PSMD4: variants seen among roughly 807,000 people sequenced by gnomAD.
PSMD4 encodes proteasome 26S subunit ubiquitin receptor, non-ATPase 4, also known as 26S proteasome non-ATPase regulatory subunit 4.
PSMD4 carries 5 observed loss-of-function variants against 39.7 expected under a neutral mutation model. That is an observed-to-expected ratio of 0.13 (90% confidence interval 0.07 to 0.26). The LOEUF (loss-of-function observed/expected upper bound fraction) is 0.26. PSMD4 is among the 10% of genes least tolerant of loss of function. The pLI is 1.00. For missense variants in PSMD4, 272 were observed against 486.1 expected (o/e 0.56, Z 4.14); for synonymous variants, 143 against 174.6 (o/e 0.82, Z 1.43).
chr1:151,266,100 A>G lies in PSMD4; in HGVS notation c.751A>G (p.Thr251Ala). Residue 251 changes from threonine to alanine, a missense_variant, in exon 7 of 10, where the codon ACT becomes GCT. Physicochemically the swap from Thr to Ala is moderately conservative, Grantham distance 58 (BLOSUM62 0). Around this residue, in one of 3 missense-constraint regions of PSMD4, gnomAD observed 113 missense variants for 184.6 expected, o/e 0.61. Transcript: ENST00000368884. ...TGCTGCTGAGGCCGGGATTGCTACGACTGGGACTGAAGGTGAAAGAGGTGG... is the reference window on the plus strand; with the variant it reads ...TGCTGCTGAGGCCGGGATTGCTACGGCTGGGACTGAAGGTGAAAGAGGTGG... ...ASAAEAGIATTGTEDSDDALL... is the reference protein window; with the variant it reads ...ASAAEAGIATAGTEDSDDALL... 6.2e-7 allele frequency: 1 copy of G among 1,605,346 alleles called. No individual in the cohort carries two copies. Among genetic ancestry groups the G allele is most frequent in the Non-Finnish European group, 8.5e-7 (1 of 1,176,280 alleles).
intron 2 of PSMD4, among the ~76,000 whole-genome samples, chr1:151,263,395 C>T (rs1006158038): frequency 2.6e-5 from 4 of 151,974 alleles, no homozygotes; most frequent in African/African-American, 4.8e-5. Context: ...ACCCGGGAGG[C>T]GGAGGTTGCA....
chr1:151,264,325 G>A (rs1286662109), intron 3 of PSMD4, among the ~76,000 whole-genome samples: 1 of 137,146 alleles, frequency 7.3e-6, no homozygotes, highest in Admixed American at 7.8e-5. Flanking sequence ...GGCACATAGG[G>A]AGACCCTGTT....
At chr1:151,259,949 A>G (rs915217795) in intron 1 of PSMD4, among the ~76,000 whole-genome samples, 8 of 152,108 alleles carry the variant, frequency 5.3e-5, no homozygotes, top group African/African-American at 1.9e-4. Flanking sequence ...CTGTAATCCC[A>G]GCACTTTGGT....
At chr1:151,262,543 AG>A in intron 2 of PSMD4, 1 of 498,890 alleles carries the variant, frequency 2.0e-6, no homozygotes, top group Non-Finnish European at 3.6e-6. Context: ...GGGCTAGGGT[AG>A]GGGGTGAAAT....
chr1:151,262,365 A>G, intron 2 of PSMD4, 64 bp downstream of exon 2: 1 of 1,594,554 alleles, frequency 6.3e-7, no homozygotes, highest in South Asian at 1.1e-5. Flanking sequence ...ACTCTTCTTT[A>G]GATTCCATGA....
intron 2 of PSMD4, chr1:151,262,995 G>A (rs1332539549): frequency 6.6e-6 from 1 of 152,242 alleles, no homozygotes; most frequent in South Asian, 2.1e-4. Context: ...GTCTGGAGGT[G>A]GAGAGGACAG....
At chr1:151,263,862 A>C in intron 2 of PSMD4, 52 bp from the exon 3 acceptor site, 1 of 1,225,232 alleles carries the variant, frequency 8.2e-7, no homozygotes. Context: ...GACACAGTTT[A>C]GAGGTACTTG....
At chr1:151,261,471 A>C (rs1287106506) in intron 1 of PSMD4, among the ~76,000 whole-genome samples, 1 of 151,984 alleles carries the variant, frequency 6.6e-6, no homozygotes, top group Non-Finnish European at 1.5e-5. Flanking sequence ...CACCGCGCCC[A>C]GCTATAGATA....
rs1423458947 is a variant in PSMD4 at position 151,267,394 on chromosome 1, A to G, written c.*51A>G. ...CTGCTTAGGGGACTGCATGGGAAGCACGGAATATAGGGTTAGATGTGTGTT... is the reference window on the plus strand; with the variant it reads ...CTGCTTAGGGGACTGCATGGGAAGCGCGGAATATAGGGTTAGATGTGTGTT... On this transcript the variant is annotated 3_prime_UTR_variant, in exon 10 of 10. Coordinates refer to ENST00000368884, the MANE Select transcript of PSMD4 (RefSeq NM_002810.4). The G allele has an allele frequency of 2.5e-6, 4 of 1,584,086 alleles. No homozygotes were observed. Among genetic ancestry groups the G allele is most frequent in the Admixed American group, 1.7e-5 (1 of 58,940 alleles).
intron 2 of PSMD4, 21 bp from the exon 3 acceptor site, chr1:151,263,893 A>G (rs780515493): frequency 1.5e-5 from 22 of 1,502,682 alleles, no homozygotes; most frequent in South Asian, 7.2e-5. Flanking sequence ...AATTCACTGA[A>G]ATGCTTTTCC....
At chr1:151,258,790 C>T (rs1401762363) in intron 1 of PSMD4, among the ~76,000 whole-genome samples, 1 of 151,852 alleles carries the variant, frequency 6.6e-6, no homozygotes, top group Admixed American at 6.6e-5. Context: ...AAGGTTTTGG[C>T]GGTAATCCCA....
At chr1:151,256,495 G>A (rs1343449782) in intron 1 of PSMD4, among the ~76,000 whole-genome samples, 1 of 142,254 alleles carries the variant, frequency 7.0e-6, no homozygotes, top group East Asian at 2.1e-4. Flanking sequence ...TTGGAGTACA[G>A]TGGCGCCATC....
chr1:151,263,901 T>C lies in PSMD4; in HGVS notation c.168-13T>C. On this transcript the variant is annotated splice_polypyrimidine_tract_variant and intron_variant, in intron 2 of 9. Transcript: ENST00000368884. ...TGACCTGAATTCACTGAAATGCTTTTCCTACATCCCAGTGACTGTGAAGTG... is the reference window on the plus strand; with the variant it reads ...TGACCTGAATTCACTGAAATGCTTTCCCTACATCCCAGTGACTGTGAAGTG... 1 of 1,536,696 alleles carries C rather than the reference T, an allele frequency of 6.5e-7. No homozygotes were observed.
At chr1:151,259,476 A>G (rs587762956) in intron 1 of PSMD4, among the ~76,000 whole-genome samples, 1 of 152,260 alleles carries the variant, frequency 6.6e-6, no homozygotes, top group African/African-American at 2.4e-5. Context: ...TTTTCTGTTA[A>G]TACTTGTTTT....
rs908948897 is a variant in PSMD4, at chr1:151,255,179, T to G, written c.26+371T>G. ...AATAACGTCTATTAGGAAAATAGAT[T>G]ATTAATCCCTTCCTCTCCCCATTCC... On this transcript the variant is annotated intron_variant, in intron 1 of 9. Transcript: ENST00000368884. Among the ~76,000 whole-genome samples, 3 of 152,252 alleles carry G rather than the reference T, an allele frequency of 2.0e-5. 1 individual carries two copies. Among genetic ancestry groups the G allele is most frequent in the African/African-American group, 7.2e-5 (3 of 41,466 alleles).
chr1:151,263,257 A>T (rs1483728480), intron 2 of PSMD4, among the ~76,000 whole-genome samples: 3 of 152,070 alleles, frequency 2.0e-5, no homozygotes, highest in African/African-American at 7.2e-5. Flanking sequence ...TGAGGTCAGG[A>T]TTTCGAGACC....
intron 6 of PSMD4, among the ~76,000 whole-genome samples, 161 bp downstream of exon 6, chr1:151,265,770 A>G (rs1470798268): frequency 2.6e-5 from 4 of 152,028 alleles, no homozygotes; most frequent in Non-Finnish European, 5.9e-5. Context: ...ATGCTGTCTG[A>G]TCTCTAGGGG....
Position 151,265,189 on chromosome 1 carries a change from CAAG to C in PSMD4, c.397_399del (p.Lys133del). On this transcript the variant is annotated inframe_deletion, in exon 5 of 10. Coordinates refer to ENST00000368884, the MANE Select transcript of PSMD4 (RefSeq NM_002810.4). The stretch of plus-strand genomic sequence containing the variant: ...AGCTGGTGAAACTGGCTAAACGCCT[CAAG>C]AAGGAGAAAGTAAATGTTGACATTA... The C allele has an allele frequency of 1.2e-6, 2 of 1,613,482 alleles. No homozygotes were observed. The highest frequency in any genetic ancestry group is 1.7e-6 in the Non-Finnish European group (2 of 1,179,796).
intron 1 of PSMD4, 41 bp from the exon 2 acceptor site, chr1:151,262,120 C>A: frequency 6.2e-7 from 1 of 1,611,124 alleles, no homozygotes; most frequent in South Asian, 1.1e-5. Context: ...TGGAAAACTT[C>A]TACATTTCTT....
Sources: gnomAD v4.1 joint callset for allele counts (sites outside exome capture counted in the v4.1 genomes callset) on GRCh38, gnomAD v4.1.1 for gene constraint, gnomAD v4.1.1 regional missense constraint, MANE v1.5 for transcripts, NCBI Gene and HGNC (gene_info 2026-07-23, HGNC 2026-07-21) for gene names.